Variants in SPATA1 observed in about 807,000 individuals in gnomAD.
SPATA1 encodes spermatogenesis associated 1.
SPATA1 carries 57 observed loss-of-function variants against 59.6 expected under a neutral mutation model. That is an observed-to-expected ratio of 0.96 (90% confidence interval 0.77 to 1.19). The LOEUF is 1.19. Among genes scored for constraint, SPATA1 ranks in the 50% most tolerant of loss-of-function variants. SPATA1 has a pLI of 0.00. For synonymous variants in SPATA1, 147 were observed against 163.9 expected (o/e 0.90, Z 0.79); for missense variants, 448 against 480.7 (o/e 0.93, Z 0.64).
At chr1:84,560,165 C>T (rs1684564684) in intron 4 of SPATA1, among the ~76,000 whole-genome samples, 1 of 151,350 alleles carries the variant, frequency 6.6e-6, no homozygotes, top group East Asian at 1.9e-4. Context: ...ACTAGAATCC[C>T]TCTTCCCTAA....
At chr1:84,566,224 C>A, downstream of SPATA1, 1 of 234,708 alleles carries the variant, frequency 4.3e-6, no homozygotes. Flanking sequence ...TATATTTGGA[C>A]ATACAATGAC....
chr1:84,507,198 A>G (rs993457049), intron 1 of SPATA1: 1 of 152,188 alleles, frequency 6.6e-6, no homozygotes, highest in African/African-American at 2.4e-5. Context: ...TCGGGTAGTC[A>G]ATCTCCGAAT....
intron 1 of SPATA1, among the ~76,000 whole-genome samples, chr1:84,510,206 A>G (rs1453592145): frequency 6.6e-6 from 1 of 152,164 alleles, no homozygotes; most frequent in Non-Finnish European, 1.5e-5. Context: ...GGAAATAATC[A>G]GCAAAGTGAA....
chr1:84,546,465 A>AC (rs2102002280), intron 10 of SPATA1, among the ~76,000 whole-genome samples: 1 of 151,958 alleles, frequency 6.6e-6, no homozygotes, highest in East Asian at 1.9e-4. Context: ...CTCAAAAAAA[A>AC]AAAAAAAAAA....
At chr1:84,549,273 G>A (rs1469634669) in intron 11 of SPATA1, among the ~76,000 whole-genome samples, 1 of 152,062 alleles carries the variant, frequency 6.6e-6, no homozygotes, top group Non-Finnish European at 1.5e-5. Context: ...TCCCCAAACA[G>A]GGAGAAACCT....
exon 5 of SPATA1, chr1:84,565,949 T>G: frequency 6.3e-7 from 1 of 1,598,062 alleles, no homozygotes; most frequent in Non-Finnish European, 8.5e-7. Context: ...GCATCTGCGA[T>G]TCCAGTATAA....
At chr1:84,546,362 G>C (rs1444847421) in intron 10 of SPATA1, among the ~76,000 whole-genome samples, 1 of 150,844 alleles carries the variant, frequency 6.6e-6, no homozygotes, top group African/African-American at 2.5e-5. Flanking sequence ...CAGAGGCTAA[G>C]GCAGGAGAAT....
intron 8 of SPATA1, among the ~76,000 whole-genome samples, chr1:84,539,907 T>C (rs1192655165): frequency 6.6e-6 from 1 of 152,208 alleles, no homozygotes; most frequent in Non-Finnish European, 1.5e-5. Context: ...TGTGTTTCTA[T>C]ATGTTATTTG....
chr1:84,516,255 C>CA (rs201206476), exon 2 of SPATA1: 31,350 of 1,028,894 alleles, frequency 0.03, 548 homozygotes, highest in Admixed American at 0.084. Context: ...TATCTTAAGC[C>CA]AAAAAAAACT....
chr1:84,544,429 G>A (rs556613678), intron 9 of SPATA1, 125 bp downstream of exon 9: 5 of 706,324 alleles, frequency 7.1e-6, no homozygotes, highest in East Asian at 2.7e-5. Flanking sequence ...CTGGAGATGG[G>A]TGGTGGTGAT....
intron 8 of SPATA1, among the ~76,000 whole-genome samples, chr1:84,539,976 G>A (rs990366775): frequency 1.1e-4 from 17 of 151,910 alleles, no homozygotes; most frequent in African/African-American, 1.2e-4. Flanking sequence ...GTCTTTCTTC[G>A]GCTCATTTAA....
At chr1:84,550,294 T>G (rs1684231886) in intron 11 of SPATA1, 138 bp from the exon 12 acceptor site, 1 of 422,146 alleles carries the variant, frequency 2.4e-6, no homozygotes, top group African/African-American at 2.1e-5. Flanking sequence ...CCAAAGCAAT[T>G]TAGTTTACTT....
intron 9 of SPATA1, among the ~76,000 whole-genome samples, chr1:84,545,144 G>C (rs1167893176): frequency 6.6e-6 from 1 of 150,942 alleles, no homozygotes; most frequent in Admixed American, 6.6e-5. Context: ...TTGAACCCAG[G>C]AGACAGAGGT....
chr1:84,534,937 C>T (rs1683612074), intron 8 of SPATA1, among the ~76,000 whole-genome samples: 1 of 152,064 alleles, frequency 6.6e-6, no homozygotes, highest in African/African-American at 2.4e-5. Context: ...TCTGTCATAC[C>T]TTCTCCTCAG....
At chr1:84,544,354 A>G (rs777563803) in intron 9 of SPATA1, 50 bp downstream of exon 9, 10 of 1,362,352 alleles carry the variant, frequency 7.3e-6, no homozygotes, top group Non-Finnish European at 1.0e-5. Flanking sequence ...GGTAAAGTAA[A>G]TAATGTTAAT....
chr1:84,563,685 TA>T, intron 4 of SPATA1: 4 of 1,130,470 alleles, frequency 3.5e-6, no homozygotes, highest in South Asian at 1.7e-5. Flanking sequence ...AGAGAGACTC[TA>T]AAAAATATAA....
At chr1:84,565,019 AC>A (rs888250910) in intron 4 of SPATA1, among the ~76,000 whole-genome samples, 1 of 152,074 alleles carries the variant, frequency 6.6e-6, no homozygotes, top group Non-Finnish European at 1.5e-5. Context: ...AGCCTGGGCA[AC>A]AAAGCAAGAC....
chr1:84,556,147 C>T (rs1684423029), downstream of SPATA1, among the ~76,000 whole-genome samples: 2 of 152,038 alleles, frequency 1.3e-5, no homozygotes, highest in South Asian at 4.1e-4. Context: ...TCCTTCTGCC[C>T]AGAATCAACT....
chr1:84,544,386 T>C, intron 9 of SPATA1, 82 bp downstream of exon 9: 1 of 1,057,246 alleles, frequency 9.5e-7, no homozygotes, highest in South Asian at 1.5e-5. Context: ...GTTTAATGGG[T>C]ATAGAGTTTC....
Sources: gnomAD v4.1 joint callset for allele counts (sites outside exome capture counted in the v4.1 genomes callset) on GRCh38, gnomAD v4.1.1 for gene constraint, MANE v1.5 for transcripts, NCBI Gene and HGNC (gene_info 2026-07-23, HGNC 2026-07-21) for gene names.